The following CEP76 variants were observed in gnomAD, a reference collection of about 807,000 sequenced individuals.
The protein encoded by CEP76 is centrosomal protein of 76 kDa.
CEP76 carries 55 observed loss-of-function variants against 83.3 expected under a neutral mutation model. The ratio of observed to expected loss-of-function variants is 0.66; its 90% CI spans 0.53 to 0.83. The LOEUF (loss-of-function observed/expected upper bound fraction) is 0.83. Ranked by LOEUF, CEP76 falls within the 40% of genes least tolerant of loss-of-function variation. The pLI, the probability that CEP76 is intolerant of heterozygous loss-of-function variation, is 0.00. For missense variants in CEP76, 694 were observed against 799.5 expected (o/e 0.87, Z 1.59); for synonymous variants, 270 against 274.5 (o/e 0.98, Z 0.16).
At position 12,680,811 on chromosome 18, in the gene CEP76, G is replaced by A. The variant is rs757850256; in HGVS notation, c.1140C>T (p.His380=). ...GAAGAAGGCTGCACAGAAGGTTAGCGTGATCTTCACAGTCACCCTGGAAGA... is the reference window on the plus strand; with the variant it reads ...GAAGAAGGCTGCACAGAAGGTTAGCATGATCTTCACAGTCACCCTGGAAGA... ...LCRNKGDCED[H]ANLLCSLLLG... Residue 380 remains histidine (H), a synonymous_variant, in exon 9 of 12, where the codon CAC becomes CAT. Coordinates refer to ENST00000262127, the MANE Select transcript of CEP76 (RefSeq NM_024899.4). The A allele has an allele frequency of 1.1e-5, 17 of 1,610,234 alleles. No individual in the cohort carries two copies. Among genetic ancestry groups the A allele is most frequent in the Admixed American group, 6.8e-5 (4 of 58,962 alleles).
At position 12,680,814 on chromosome 18, in the gene CEP76, A is replaced by T; in HGVS notation, c.1137T>A (p.Asp379Glu). 1 of 1,609,646 alleles carries T rather than the reference A, an allele frequency of 6.2e-7. No individual in the cohort carries two copies. The highest frequency in any genetic ancestry group is 8.5e-7 in the Non-Finnish European group (1 of 1,178,590). Residue 379 changes from aspartate to glutamate, a missense_variant, in exon 9 of 12, where the codon GAT becomes GAA. Physicochemically the swap from Asp to Glu is conservative, Grantham distance 45. Coordinates refer to ENST00000262127, the MANE Select transcript of CEP76 (RefSeq NM_024899.4). ...GAAGGCTGCACAGAAGGTTAGCGTG[A>T]TCTTCACAGTCACCCTGGAAGATAA... ...FLCRNKGDCE[D>E]HANLLCSLLL...
downstream of CEP76, chr18:12,670,937 CTATGCT>C: frequency 6.6e-6 from 1 of 152,114 alleles, no homozygotes; most frequent in East Asian, 1.9e-4. Flanking sequence ...GTGTGAACCA[CTATGCT>C]TTAAAAAAAG....
At chr18:12,701,155 C>G (rs1159694753) in intron 1 of CEP76, 42 bp from the exon 2 acceptor site, 6 of 1,471,750 alleles carry the variant, frequency 4.1e-6, no homozygotes, top group Non-Finnish European at 5.6e-6. Flanking sequence ...CATCACAAAG[C>G]AGTCAAATAC....
chr18:12,702,271 G>A (rs56904159), intron 1 of CEP76, among the ~76,000 whole-genome samples: 1 of 152,196 alleles, frequency 6.6e-6, no homozygotes, highest in Non-Finnish European at 1.5e-5. Flanking sequence ...TATCGCCCCA[G>A]ACTCTTGCTA....
intron 6 of CEP76, among the ~76,000 whole-genome samples, chr18:12,694,806 G>T (rs1357854054): frequency 6.6e-6 from 1 of 151,452 alleles, no homozygotes; most frequent in African/African-American, 2.4e-5. Flanking sequence ...CCTCTTACCG[G>T]TTCACGCCAT....
intron 8 of CEP76, among the ~76,000 whole-genome samples, chr18:12,683,683 G>A (rs1352423353): frequency 4.0e-5 from 6 of 151,538 alleles, no homozygotes; most frequent in African/African-American, 1.2e-4. Flanking sequence ...CCCAGGAGAC[G>A]GAGGTTGCAG....
At position 12,691,420 on chromosome 18, in the gene CEP76, C is replaced by T. The variant is rs999633931; in HGVS notation, c.872G>A (p.Trp291Ter). The T allele has an allele frequency of 6.2e-7, 1 of 1,608,866 alleles. No individual in the cohort carries two copies. Among genetic ancestry groups the T allele is most frequent in the Non-Finnish European group, 8.5e-7 (1 of 1,176,938 alleles). Reference protein sequence around the residue: ...RLFLVYAKQWWREYLQIRPSH... With the variant: ...RLFLVYAKQW ...GGGTCGAATTTGCAAATATTCTCTC[C>T]ACCACTGCTTAGCATATACAAGAAA... The change falls in exon 7 of 12, where the codon TGG (tryptophan) becomes TAG (stop). Residue 291 changes from tryptophan (W) to a stop codon, truncating the protein, a stop_gained. Coordinates refer to ENST00000262127, the MANE Select transcript of CEP76 (RefSeq NM_024899.4). LOFTEE classifies it high-confidence loss of function.
Position 12,678,343 on chromosome 18 carries a change from C to T in CEP76, c.1389G>A (p.Gln463=). The T allele has an allele frequency of 6.2e-7, 1 of 1,614,112 alleles. No individual in the cohort carries two copies. Among genetic ancestry groups the T allele is most frequent in the Non-Finnish European group, 8.5e-7 (1 of 1,180,016 alleles). ...YRTIGCVFNH[Q]MFLGNCQPSD... ...AGGGTTGACAATTTCCCAGGAACAT[C>T]TGATGGTTGAAAACACAACCAATTG... is the stretch of plus-strand genomic sequence containing the variant. Residue 463 remains glutamine, a synonymous_variant, in exon 10 of 12, where the codon CAG becomes CAA. Transcript: ENST00000262127.
Position 12,686,362 on chromosome 18 carries a change from C to G in CEP76, c.1022G>C (p.Arg341Thr). 1 of 1,614,090 alleles carries G rather than the reference C, an allele frequency of 6.2e-7. No individual in the cohort carries two copies. The highest frequency in any genetic ancestry group is 8.5e-7 in the Non-Finnish European group (1 of 1,179,972). ...RLLDTPRQAA[R>T]FVNVLGYERA... Reference sequence around the variant, plus strand: ...TTCATAACCAAGGACATTAACAAATCTTGCTGCTTGCCTTGGAGTATCAAG... The same window carrying G: ...TTCATAACCAAGGACATTAACAAATGTTGCTGCTTGCCTTGGAGTATCAAG... The change falls in exon 8 of 12, where the codon AGA (arginine) becomes ACA (threonine). Residue 341 changes from arginine (R) to threonine (T), a missense_variant. Physicochemically the swap from Arg to Thr is moderately conservative, Grantham distance 71. Coordinates refer to ENST00000262127, the MANE Select transcript of CEP76 (RefSeq NM_024899.4).
chr18:12,677,782 AAATATGTG>A (rs2039196141), intron 10 of CEP76, among the ~76,000 whole-genome samples: 1 of 152,198 alleles, frequency 6.6e-6, no homozygotes, highest in Non-Finnish European at 1.5e-5. Context: ...TTTAAGGGGC[AAATATGTG>A]AATAAGCATT....
chr18:12,698,366 G>A (rs1163460982), intron 4 of CEP76, among the ~76,000 whole-genome samples: 2 of 151,958 alleles, frequency 1.3e-5, no homozygotes, highest in East Asian at 1.9e-4. Flanking sequence ...ACAGGGTTTC[G>A]ACATGTTGGC....
At chr18:12,697,201 A>G (rs2039986932) in intron 5 of CEP76, 22 bp downstream of exon 5, 2 of 1,511,858 alleles carry the variant, frequency 1.3e-6, no homozygotes, top group Non-Finnish European at 9.0e-7. Flanking sequence ...AAAGGTTAAC[A>G]ATGATATATT....
rs559820138 is a variant in CEP76, at chr18:12,677,045, C to A, written c.1623+1064G>T. On this transcript the variant is annotated intron_variant, in intron 10 of 11. Transcript: ENST00000262127. Reference sequence around the variant, plus strand: ...CCCCACAGCTTCAATCTCTTAATGTCTTCTCTTGATGAGCTTAAGTCTTTA... The same window carrying A: ...CCCCACAGCTTCAATCTCTTAATGTATTCTCTTGATGAGCTTAAGTCTTTA... Among the ~76,000 whole-genome samples the A allele has an allele frequency of 3.3e-5, 5 of 152,332 alleles. No individual in the cohort carries two copies. In the East Asian group the frequency reaches 9.6e-4, roughly 29 times the overall value.
At chr18:12,700,927 C>A in intron 2 of CEP76, 31 bp downstream of exon 2, 1 of 1,575,486 alleles carries the variant, frequency 6.3e-7, no homozygotes, top group Non-Finnish European at 8.7e-7. Flanking sequence ...TACATATATA[C>A]TCTCATTTAT....
Position 12,678,237 on chromosome 18 carries a change from C to G in CEP76, c.1495G>C (p.Val499Leu). ...GATGTTGTAGCTCCAGGAGCACACA[C>G]AGATTTAATTGCTTCCTCACTCATG... ...KPMSEEAIKS[V>L]CAPGATTSLP... Residue 499 changes from valine (V) to leucine (L), a missense_variant, in exon 10 of 12, where the codon GTG becomes CTG. Transcript: ENST00000262127. 6.2e-7 allele frequency: 1 copy of G among 1,614,178 alleles called. No homozygotes were observed. The highest frequency in any genetic ancestry group is 8.5e-7 in the Non-Finnish European group (1 of 1,180,024).
At chr18:12,669,119 A>G (rs1225729106), downstream of CEP76, among the ~76,000 whole-genome samples, 2 of 113,200 alleles carry the variant, frequency 1.8e-5, no homozygotes, top group Admixed American at 1.8e-4. Flanking sequence ...GCTCACGGCA[A>G]CCTCTTTTTT....
Position 12,691,511 on chromosome 18 carries a change from TC to T in CEP76, c.805-25del, listed in dbSNP as rs45616144. On this transcript the variant is annotated intron_variant, in intron 6 of 11. Coordinates refer to ENST00000262127, the MANE Select transcript of CEP76 (RefSeq NM_024899.4). Reference sequence around the variant, plus strand: ...AGCTTGAAATTGAAAAAAATATTTTTCAATTTCTATTCATTATCTTTAATTA... The same window carrying T: ...AGCTTGAAATTGAAAAAAATATTTTTAATTTCTATTCATTATCTTTAATTA... 13,887 of 1,549,552 alleles carry T rather than the reference TC, an allele frequency of 9.0e-3. 104 individuals carry two copies. Among genetic ancestry groups the T allele is most frequent in the South Asian group, 0.02 (1,705 of 84,578 alleles).
intron 6 of CEP76, among the ~76,000 whole-genome samples, chr18:12,691,924 T>G (rs1197384792): frequency 6.6e-6 from 1 of 151,998 alleles, no homozygotes; most frequent in East Asian, 1.9e-4. Flanking sequence ...TTTCACCACA[T>G]TGGTCAAGCT....
chr18:12,672,559 GAAAA>G (rs1332188057), downstream of CEP76: 8 of 526,296 alleles, frequency 1.5e-5, no homozygotes, highest in African/African-American at 1.6e-4. Flanking sequence ...CACAATGAAA[GAAAA>G]AAGGGTTTCA....
Sources: gnomAD v4.1 joint callset for allele counts (sites outside exome capture counted in the v4.1 genomes callset) on GRCh38, gnomAD v4.1.1 for gene constraint, MANE v1.5 for transcripts, NCBI Gene and HGNC (gene_info 2026-07-23, HGNC 2026-07-21) for gene names.